The following UVRAG variants were observed in gnomAD, a reference collection of about 807,000 sequenced individuals.
UVRAG encodes the protein UV radiation resistance-associated gene protein.
UVRAG carries 19 observed loss-of-function variants against 78.0 expected under a neutral mutation model. The ratio of observed to expected loss-of-function variants is 0.24; its 90% confidence interval spans 0.17 to 0.36. The LOEUF (loss-of-function observed/expected upper bound fraction) is 0.36. UVRAG is among the 10% of genes least tolerant of loss of function. UVRAG has a pLI of 1.00. For synonymous variants in UVRAG, 323 were observed against 324.6 expected, an observed-to-expected ratio of 1.00 and a Z score of 0.05; for missense variants, 740 against 853.8, an observed-to-expected ratio of 0.87 and a Z score of 1.66.
intron 7 of UVRAG, among the ~76,000 whole-genome samples, chr11:75,971,960 G>A (rs911108649): frequency 6.6e-6 from 1 of 152,130 alleles, no homozygotes; most frequent in African/African-American, 2.4e-5. Context: ...CAATGTGCTG[G>A]TATTACAGGC....
intron 6 of UVRAG, among the ~76,000 whole-genome samples, chr11:75,919,175 T>TCA (rs1947922191): frequency 6.6e-6 from 1 of 152,190 alleles, no homozygotes; most frequent in Non-Finnish European, 1.5e-5. Flanking sequence ...ACTTTGTTTA[T>TCA]CATCTTTAAA....
intron 6 of UVRAG, chr11:75,916,297 TA>T (rs2135045561): frequency 6.6e-6 from 1 of 152,348 alleles, no homozygotes; most frequent in African/African-American, 2.4e-5. Context: ...TCTGCTTTTG[TA>T]AAATGGGGCT....
intron 5 of UVRAG, among the ~76,000 whole-genome samples, chr11:75,897,399 G>T: frequency 6.6e-6 from 1 of 152,112 alleles, no homozygotes; most frequent in East Asian, 1.9e-4. Flanking sequence ...TAGTTATCTA[G>T]CCCAACACTC....
At chr11:75,978,178 A>G (rs1006041605) in intron 7 of UVRAG, among the ~76,000 whole-genome samples, 16 of 152,116 alleles carry the variant, frequency 1.1e-4, no homozygotes, top group Non-Finnish European at 2.1e-4. Context: ...CTTTTCTTTC[A>G]GAATGTTGAA....
intron 3 of UVRAG, among the ~76,000 whole-genome samples, chr11:75,873,736 G>A (rs1012477836): frequency 1.3e-5 from 2 of 152,134 alleles, no homozygotes; most frequent in African/African-American, 4.8e-5. Flanking sequence ...TGTTTGTCCT[G>A]TAGTTCATGT....
chr11:75,893,376 G>A (rs983959825), intron 5 of UVRAG, among the ~76,000 whole-genome samples: 1 of 151,648 alleles, frequency 6.6e-6, no homozygotes, highest in Non-Finnish European at 1.5e-5. Flanking sequence ...AAATGAGCAC[G>A]AAAAGCTGAG....
At chr11:75,939,277 C>G (rs1275746031) in intron 6 of UVRAG, among the ~76,000 whole-genome samples, 1 of 151,926 alleles carries the variant, frequency 6.6e-6, no homozygotes, top group East Asian at 1.9e-4. Context: ...ACCTTGCTAC[C>G]TCTGTATCAT....
intron 1 of UVRAG, among the ~76,000 whole-genome samples, chr11:75,821,941 G>GT (rs757078463): frequency 0.042 from 4,953 of 118,500 alleles, 182 homozygotes; most frequent in Admixed American, 0.073. Context: ...ATTTATCACT[G>GT]TTTTTTTTTT....
At chr11:75,823,817 T>C (rs540266238) in intron 1 of UVRAG, among the ~76,000 whole-genome samples, 1 of 152,340 alleles carries the variant, frequency 6.6e-6, no homozygotes, top group East Asian at 1.9e-4. Context: ...GCTGATGATT[T>C]AGTAGGAACT....
intron 11 of UVRAG, 103 bp from the exon 12 acceptor site, chr11:76,016,712 T>G: frequency 1.9e-6 from 2 of 1,046,842 alleles, no homozygotes; most frequent in Non-Finnish European, 2.6e-6. Context: ...ATATTTTATG[T>G]ACCACATATT....
chr11:76,018,248 C>G (rs972926382), intron 12 of UVRAG, among the ~76,000 whole-genome samples: 1 of 151,006 alleles, frequency 6.6e-6, no homozygotes, highest in African/African-American at 2.4e-5. Context: ...TCACTCTCTC[C>G]TGTCCTGTTA....
chr11:76,126,838 A>T (rs1181687695), intron 14 of UVRAG, among the ~76,000 whole-genome samples: 2 of 152,168 alleles, frequency 1.3e-5, no homozygotes, highest in African/African-American at 4.8e-5. Flanking sequence ...GCTGTTTACA[A>T]GACTTGGCTC....
chr11:75,902,059 C>G (rs979370184), intron 5 of UVRAG, among the ~76,000 whole-genome samples: 5 of 152,206 alleles, frequency 3.3e-5, no homozygotes. Flanking sequence ...CTGTTTTCAC[C>G]TGTTGATCCC....
chr11:76,120,222 C>T (rs1952250498), intron 14 of UVRAG, among the ~76,000 whole-genome samples: 1 of 152,154 alleles, frequency 6.6e-6, no homozygotes, highest in Non-Finnish European at 1.5e-5. Context: ...TTTGTGGTTC[C>T]TTGGCAATCC....
At chr11:76,036,484 G>A (rs1197466604) in intron 12 of UVRAG, among the ~76,000 whole-genome samples, 1 of 152,064 alleles carries the variant, frequency 6.6e-6, no homozygotes, top group Non-Finnish European at 1.5e-5. Flanking sequence ...GCTGCAGTGA[G>A]CCATGATCCT....
chr11:75,819,988 T>C (rs1945350294), intron 1 of UVRAG, among the ~76,000 whole-genome samples: 1 of 152,138 alleles, frequency 6.6e-6, no homozygotes, highest in Non-Finnish European at 1.5e-5. Context: ...TTCGTTCTTT[T>C]ATTTTTATTT....
At chr11:75,877,583 T>C (rs1428516480) in intron 3 of UVRAG, among the ~76,000 whole-genome samples, 2 of 97,750 alleles carry the variant, frequency 2.0e-5, no homozygotes, top group Non-Finnish European at 4.1e-5. Context: ...CTCCCTCCCG[T>C]ACGGGTCGGC....
intron 1 of UVRAG, among the ~76,000 whole-genome samples, chr11:75,827,114 G>A (rs533964711): frequency 6.6e-6 from 1 of 151,130 alleles, no homozygotes; most frequent in Non-Finnish European, 1.5e-5. Context: ...TAGACTCCTG[G>A]GAAAGAAAAA....
At chr11:75,832,476 C>T (rs1238181327) in intron 1 of UVRAG, among the ~76,000 whole-genome samples, 1 of 152,178 alleles carries the variant, frequency 6.6e-6, no homozygotes, top group South Asian at 2.1e-4. Flanking sequence ...CTGGGAACAG[C>T]CAATGGAAGA....
Sources: allele counts gnomAD v4.1 joint callset (sites outside exome capture counted in the v4.1 genomes callset), GRCh38; gene constraint gnomAD v4.1.1; transcripts MANE v1.5; gene names NCBI Gene and HGNC (gene_info 2026-07-23, HGNC 2026-07-21).